The following HBEGF variants were observed in gnomAD, a reference collection of about 807,000 sequenced individuals.
HBEGF encodes heparin binding EGF like growth factor.
Under a neutral mutation model 19.5 loss-of-function variants are expected in HBEGF, and 8 were observed. The ratio of observed to expected loss-of-function variants is 0.41; its 90% CI spans 0.24 to 0.74. The LOEUF is 0.74. Ranked by LOEUF, HBEGF falls within the 30% of genes least tolerant of loss-of-function variation. HBEGF has a pLI of 0.32. For synonymous variants in HBEGF, 97 were observed against 108.9 expected (o/e 0.89, Z 0.68); for missense variants, 207 against 256.9 (o/e 0.81, Z 1.33).
chr5:140,343,534 C>G (rs535325426), intron 2 of HBEGF, among the ~76,000 whole-genome samples: 9 of 152,208 alleles, frequency 5.9e-5, no homozygotes, highest in Non-Finnish European at 1.2e-4. Flanking sequence ...GTTTATAGCT[C>G]TCTGGATTGG....
At chr5:140,343,826 A>G (rs1766351645) in intron 2 of HBEGF, among the ~76,000 whole-genome samples, 1 of 152,242 alleles carries the variant, frequency 6.6e-6, no homozygotes, top group Non-Finnish European at 1.5e-5. Context: ...TAGAGTCTCA[A>G]GCTAGAGGGA....
chr5:140,334,895 A>C (rs1244236091), intron 4 of HBEGF, 147 bp from the exon 5 acceptor site: 6 of 689,896 alleles, frequency 8.7e-6, no homozygotes, highest in Non-Finnish European at 1.0e-5. Flanking sequence ...CTCTGGTCAA[A>C]GGCCCAACTG....
chr5:140,342,815 G>A lies in HBEGF; in HGVS notation c.221-3C>T, dbSNP rs1561542618. 6.2e-7 allele frequency: 1 copy of A among 1,614,112 alleles called. No homozygotes were observed. Among genetic ancestry groups the A allele is most frequent in the East Asian group, 2.2e-5 (1 of 44,892 alleles). On this transcript the variant is annotated splice_region_variant and splice_polypyrimidine_tract_variant and intron_variant, in intron 2 of 5. Coordinates refer to ENST00000230990, the MANE Select transcript of HBEGF (RefSeq NM_001945.3). ...TTGTGGCTTGGAGGATAAAGTGACT[G>A]TAGGAGAAAAGCACTCTGTTAAAGT...
intron 3 of HBEGF, among the ~76,000 whole-genome samples, chr5:140,340,497 T>C (rs537336264): frequency 4.6e-4 from 66 of 144,070 alleles, no homozygotes; most frequent in African/African-American, 1.5e-3. Context: ...GCAGGAGAAT[T>C]GCTTGAACCC....
intron 3 of HBEGF, among the ~76,000 whole-genome samples, chr5:140,336,567 G>A (rs1766230531): frequency 6.6e-6 from 1 of 152,192 alleles, no homozygotes. Flanking sequence ...GCCTCTGCCA[G>A]GAGTCGTTTT....
intron 2 of HBEGF, among the ~76,000 whole-genome samples, chr5:140,344,685 G>A (rs1001208670): frequency 1.3e-5 from 2 of 152,010 alleles, no homozygotes; most frequent in Non-Finnish European, 2.9e-5. Context: ...CTCAGAAGGT[G>A]ATACAGGTGG....
chr5:140,340,359 C>T (rs1225583756), intron 3 of HBEGF, among the ~76,000 whole-genome samples: 2 of 149,790 alleles, frequency 1.3e-5, no homozygotes, highest in African/African-American at 4.9e-5. Context: ...GCAGGCGGAT[C>T]ACCTGAGGTC....
chr5:140,335,146 G>A, intron 4 of HBEGF: 1 of 173,264 alleles, frequency 5.8e-6, no homozygotes, highest in Non-Finnish European at 1.2e-5. Flanking sequence ...CACTTTGGGA[G>A]GCCGAGGCGG....
chr5:140,345,503 A>T (rs1766381069), intron 2 of HBEGF, among the ~76,000 whole-genome samples: 1 of 152,204 alleles, frequency 6.6e-6, no homozygotes, highest in South Asian at 2.1e-4. Context: ...GTGCCTGGGC[A>T]TCTCCGCATG....
In HBEGF at chr5:140,334,704, A is replaced by ACTTTCT; in HGVS notation, c.593_598dup (p.Glu198_Lys199dup). 1 of 1,613,952 alleles carries ACTTTCT rather than the reference A, an allele frequency of 6.2e-7. No individual in the cohort carries two copies. Among genetic ancestry groups the ACTTTCT allele is most frequent in the Non-Finnish European group, 8.5e-7 (1 of 1,179,802 alleles). ...GTGGGAATTAGTCATGCCCAACTTC[A>ACTTTCT]CTTTCTCTTCATTTTCCACATCATA... On this transcript the variant is annotated inframe_insertion, in exon 5 of 6. Transcript: ENST00000230990.
chr5:140,343,438 A>G (rs1330001969), intron 2 of HBEGF, among the ~76,000 whole-genome samples: 1 of 152,220 alleles, frequency 6.6e-6, no homozygotes, highest in Non-Finnish European at 1.5e-5. Flanking sequence ...TGCTTTTTCA[A>G]CTTCAAGCAA....
Position 140,334,579 on chromosome 5 carries a change from G to T in HBEGF, c.*18+79C>A, listed in dbSNP as rs1472630841. The T allele has an allele frequency of 6.3e-6, 6 of 946,370 alleles. 1 individual carries two copies. The highest frequency in any genetic ancestry group is 1.7e-5 in the Admixed American group (1 of 58,600). 58.6% of individuals were successfully genotyped at this position (946,370 alleles called of 1,614,324 possible). A position where few individuals can be genotyped will look rare whatever the true frequency, so the allele number is the denominator to read the frequency against. Reference sequence around the variant, plus strand: ...GCCTGGCCCCCAACCCCTATATGAAGAATTCAGCACCCACTGAAGCACAGC... The same window carrying T: ...GCCTGGCCCCCAACCCCTATATGAATAATTCAGCACCCACTGAAGCACAGC... On this transcript the variant is annotated intron_variant, in intron 5 of 5. Transcript: ENST00000230990.
intron 3 of HBEGF, among the ~76,000 whole-genome samples, chr5:140,336,645 G>A (rs556406373): frequency 1.1e-4 from 17 of 152,092 alleles, no homozygotes; most frequent in Non-Finnish European, 2.5e-4. Context: ...GCTCAACTCT[G>A]GCCTTTGGCC....
At chr5:140,336,092 C>T (rs1766223837) in intron 3 of HBEGF, 65 bp from the exon 4 acceptor site, 6 of 1,522,086 alleles carry the variant, frequency 3.9e-6, no homozygotes, top group Non-Finnish European at 5.4e-6. Flanking sequence ...CAATGGCCCA[C>T]CTGCATAAGC....
chr5:140,337,601 C>T (rs4150227), intron 3 of HBEGF, among the ~76,000 whole-genome samples: 59 of 152,220 alleles, frequency 3.9e-4, no homozygotes, highest in Non-Finnish European at 8.2e-4. Context: ...TTGTCCACAA[C>T]CAGCAGTGGC....
chr5:140,336,575 T>C (rs1192567144), intron 3 of HBEGF, among the ~76,000 whole-genome samples: 1 of 149,774 alleles, frequency 6.7e-6, no homozygotes, highest in Non-Finnish European at 1.5e-5. Context: ...CAGGAGTCGT[T>C]TTTCTCAAGT....
intron 3 of HBEGF, 143 bp from the exon 4 acceptor site, chr5:140,336,170 TCTC>T: frequency 1.3e-6 from 1 of 760,650 alleles, no homozygotes; most frequent in Non-Finnish European, 2.1e-6. Context: ...CCTCCATCCT[TCTC>T]CTCTAGTAGA....
At chr5:140,335,733 T>C (rs899381696) in intron 4 of HBEGF, 139 bp downstream of exon 4, 3 of 911,010 alleles carry the variant, frequency 3.3e-6, no homozygotes, top group Admixed American at 2.8e-5. Context: ...ACCAGGTTTT[T>C]GGAGAATCTA....
At chr5:140,336,851 A>T (rs1766235188) in intron 3 of HBEGF, among the ~76,000 whole-genome samples, 1 of 122,418 alleles carries the variant, frequency 8.2e-6, no homozygotes, top group African/African-American at 3.3e-5. Context: ...TTTTTTTGAG[A>T]CAGAGTCTTG....
Sources: gnomAD v4.1 joint callset for allele counts (sites outside exome capture counted in the v4.1 genomes callset) on GRCh38, gnomAD v4.1.1 for gene constraint, MANE v1.5 for transcripts, NCBI Gene and HGNC (gene_info 2026-07-23, HGNC 2026-07-21) for gene names.